The following AP3B1 variants were observed in gnomAD, a reference collection of about 807,000 sequenced individuals.
AP3B1 encodes the protein AP-3 complex subunit beta-1.
Under a neutral mutation model 132.5 loss-of-function variants are expected in AP3B1, and 61 were observed. That is an observed-to-expected ratio of 0.46 (90% CI 0.37 to 0.57). The LOEUF (loss-of-function observed/expected upper bound fraction) is 0.57, where lower values mean the gene tolerates loss of function less well. Among genes scored for constraint, AP3B1 ranks in the 20% least tolerant of loss-of-function variants. The pLI is 0.00. For synonymous variants in AP3B1, 388 were observed against 438.3 expected, an observed-to-expected ratio of 0.89 and a Z score of 1.43; for missense variants, 1,120 against 1,289.4, an observed-to-expected ratio of 0.87 and a Z score of 2.01.
At chr5:78,040,602 A>G (rs1290546070) in intron 22 of AP3B1, among the ~76,000 whole-genome samples, 1 of 152,122 alleles carries the variant, frequency 6.6e-6, no homozygotes, top group Non-Finnish European at 1.5e-5. Context: ...CCATTCTAAA[A>G]CCATGTGATA....
intron 24 of AP3B1, among the ~76,000 whole-genome samples, chr5:78,030,309 C>T (rs941125399): frequency 9.2e-5 from 14 of 152,092 alleles, no homozygotes. Context: ...GGTTCTGTCT[C>T]AGATTTAAGA....
rs185674386 is a variant in AP3B1, at chr5:78,290,444, A to C, written c.128+4008T>G. 4.8e-3 allele frequency among the ~76,000 whole-genome samples: 736 copies of C among 152,264 alleles called. 3 individuals are homozygous for C. Among genetic ancestry groups the C allele is most frequent in the African/African-American group, 0.016 (681 of 41,504 alleles). ...CAAAGGAAAAGAGATTTACAAATTT[A>C]GTAGCTTTACTATTGTAATTAAGAA... On this transcript the variant is annotated intron_variant, in intron 1 of 26. Transcript: ENST00000255194.
Position 78,269,299 on chromosome 5 carries a change from C to A in AP3B1, c.129-1704G>T, listed in dbSNP as rs1309596873. Among the ~76,000 whole-genome samples the A allele has an allele frequency of 2.0e-5, 3 of 152,024 alleles. No homozygotes were observed. In the East Asian group the frequency reaches 5.8e-4, roughly 29 times the overall value. On this transcript the variant is annotated intron_variant, in intron 1 of 26. Transcript: ENST00000255194. ...TTTCTAGCTTTGAGTATTAGGATAC[C>A]AACTTTATTTTTACATAAGTGACAT... is the stretch of plus-strand genomic sequence containing the variant.
At chr5:78,017,969 G>T (rs1424419546) in intron 25 of AP3B1, among the ~76,000 whole-genome samples, 2 of 151,780 alleles carry the variant, frequency 1.3e-5, no homozygotes, top group African/African-American at 4.8e-5. Context: ...CTAAGTTTTA[G>T]ATTTGTAATT....
At chr5:78,072,690 G>A (rs966368336) in intron 22 of AP3B1, among the ~76,000 whole-genome samples, 2 of 136,874 alleles carry the variant, frequency 1.5e-5, no homozygotes, top group African/African-American at 2.7e-5. Context: ...AATGATTTGA[G>A]TAACAATGTG....
rs751674819 is a variant in AP3B1 at position 78,165,675 on chromosome 5, A to G, written c.1168-3T>C. 23 of 1,588,056 alleles carry G rather than the reference A, an allele frequency of 1.4e-5. No individual in the cohort carries two copies. The highest frequency in any genetic ancestry group is 3.3e-4 in the Middle Eastern group (2 of 5,982). On this transcript the variant is annotated splice_polypyrimidine_tract_variant and splice_region_variant and intron_variant, in intron 11 of 26. Transcript: ENST00000255194. ...GCCAAGTTTGTCAAAATTTCAAGCT[A>G]TAGTAGAGAAAAGAGAAAGTAAACA...
chr5:78,177,675 A>G (rs886479605), intron 8 of AP3B1, among the ~76,000 whole-genome samples: 5 of 152,182 alleles, frequency 3.3e-5, no homozygotes, highest in African/African-American at 1.2e-4. Flanking sequence ...ATAAGAATTG[A>G]AATGACATCA....
At position 78,077,061 on chromosome 5, in the gene AP3B1, G is replaced by A. The variant is rs557746666; in HGVS notation, c.2577+12332C>T. On this transcript the variant is annotated intron_variant, in intron 22 of 26. Transcript: ENST00000255194. ...AGAAATCTTGGGCCAACTTAGTCTG[G>A]AGGACTGTGCCTTTAACCTTGAGTT... Among the ~76,000 whole-genome samples, 11 of 152,244 alleles carry A rather than the reference G, an allele frequency of 7.2e-5. No individual in the cohort carries two copies. The East Asian group carries it at 1.2e-3, about 16-fold the overall frequency.
chr5:78,140,175 CA>C, intron 15 of AP3B1, among the ~76,000 whole-genome samples: 1 of 152,236 alleles, frequency 6.6e-6, no homozygotes, highest in Non-Finnish European at 1.5e-5. Flanking sequence ...CTCTTATTAA[CA>C]GCTGCTCAAA....
chr5:78,173,789 G>C (rs1342073250), intron 11 of AP3B1, among the ~76,000 whole-genome samples: 1 of 152,070 alleles, frequency 6.6e-6, no homozygotes. Context: ...TTCCAACTTG[G>C]TTCCATTCTC....
chr5:78,261,557 T>A (rs1198253960), intron 2 of AP3B1, among the ~76,000 whole-genome samples: 1 of 152,154 alleles, frequency 6.6e-6, no homozygotes, highest in Admixed American at 6.5e-5. Flanking sequence ...TCTCTGCCTT[T>A]CGGGTTCAAG....
intron 22 of AP3B1, among the ~76,000 whole-genome samples, chr5:78,085,237 G>C: frequency 6.6e-6 from 1 of 152,284 alleles, no homozygotes; most frequent in East Asian, 1.9e-4. Context: ...AACAACAGAT[G>C]TTGGTTTTTG....
At chr5:78,054,798 A>C (rs1193863814) in intron 22 of AP3B1, among the ~76,000 whole-genome samples, 1 of 152,178 alleles carries the variant, frequency 6.6e-6, no homozygotes, top group Non-Finnish European at 1.5e-5. Flanking sequence ...GGAAAGAAGT[A>C]TGTCTTAGGA....
intron 11 of AP3B1, among the ~76,000 whole-genome samples, chr5:78,166,217 T>A (rs963446362): frequency 6.6e-6 from 1 of 151,430 alleles, no homozygotes; most frequent in Non-Finnish European, 1.5e-5. Context: ...ACCCTTCAGG[T>A]CAACTTAGTC....
intron 22 of AP3B1, among the ~76,000 whole-genome samples, chr5:78,074,658 A>G (rs1749681854): frequency 6.6e-6 from 1 of 152,202 alleles, no homozygotes; most frequent in Admixed American, 6.5e-5. Context: ...TTTTTTAAAG[A>G]TAGTTCTTCA....
At chr5:78,146,293 G>A (rs1753389639) in intron 14 of AP3B1, among the ~76,000 whole-genome samples, 1 of 152,070 alleles carries the variant, frequency 6.6e-6, no homozygotes, top group Admixed American at 6.6e-5. Context: ...CCTTCTCCTG[G>A]GGTAACTTGT....
intron 11 of AP3B1, among the ~76,000 whole-genome samples, chr5:78,166,290 A>G (rs1743628419): frequency 6.6e-6 from 1 of 152,188 alleles, no homozygotes; most frequent in African/African-American, 2.4e-5. Flanking sequence ...CAATTCGGAA[A>G]AGGAGAATTC....
At chr5:78,288,328 C>T (rs6880507) in intron 1 of AP3B1, among the ~76,000 whole-genome samples, 82,197 of 151,910 alleles carry the variant, frequency 0.54, 22,440 homozygotes, top group Middle Eastern at 0.56. Context: ...GATAAAGACA[C>T]TATAATTGTT....
At chr5:78,124,484 A>C (rs1752379324) in intron 17 of AP3B1, among the ~76,000 whole-genome samples, 2 of 152,214 alleles carry the variant, frequency 1.3e-5, no homozygotes, top group South Asian at 4.1e-4. Context: ...CTGAGGCAGG[A>C]GGATGGCTTG....
Sources: allele counts gnomAD v4.1 joint callset (sites outside exome capture counted in the v4.1 genomes callset), GRCh38; gene constraint gnomAD v4.1.1; transcripts MANE v1.5; gene names NCBI Gene and HGNC (gene_info 2026-07-23, HGNC 2026-07-21).